MTFR1: variants seen among roughly 807,000 people sequenced by gnomAD.
MTFR1 encodes the protein mitochondrial fission regulator 1, also known as chondrocyte protein with a poly-proline region.
Under a neutral mutation model 38.8 loss-of-function variants are expected in MTFR1, and 28 were observed. That is an observed-to-expected ratio of 0.72 (90% CI 0.53 to 0.99). The LOEUF is 0.99. Among genes scored for constraint, MTFR1 ranks in the 50% least tolerant of loss-of-function variants. The pLI is 0.00. For synonymous variants in MTFR1, 145 were observed against 137.0 expected, an observed-to-expected ratio of 1.06 and a Z score of -0.41; for missense variants, 358 against 395.5, an observed-to-expected ratio of 0.91 and a Z score of 0.81.
rs1187049727 is a variant in MTFR1 at position 65,661,333 on chromosome 8, T to G, written c.-80-8540T>G. ...AGAAATCTGTACTTTCTACTCAATT[T>G]TGCTGTACATTTAAACTGCTCTAAA... On this transcript the variant is annotated intron_variant, in intron 1 of 7. Coordinates refer to ENST00000262146, the MANE Select transcript of MTFR1 (RefSeq NM_014637.4). 2.0e-5 allele frequency among the ~76,000 whole-genome samples: 3 copies of G among 152,348 alleles called. No homozygotes were observed. The East Asian group carries it at 5.8e-4, about 29-fold the overall frequency.
chr8:65,670,235 A>G (rs1329180488), intron 2 of MTFR1, among the ~76,000 whole-genome samples: 1 of 152,210 alleles, frequency 6.6e-6, no homozygotes, highest in Admixed American at 6.5e-5. Flanking sequence ...ACTTACCAGT[A>G]TTCATGTGAC....
At chr8:65,649,682 C>T (rs1342366838) in intron 1 of MTFR1, among the ~76,000 whole-genome samples, 4 of 151,960 alleles carry the variant, frequency 2.6e-5, no homozygotes, top group Non-Finnish European at 5.9e-5. Flanking sequence ...TTTTAATGTA[C>T]AATAAATTAT....
exon 4 of MTFR1, chr8:65,771,053 T>C: frequency 2.6e-6 from 1 of 378,424 alleles, no homozygotes; most frequent in Non-Finnish European, 5.2e-6. Flanking sequence ...ACAAAAACAA[T>C]CCAAACCACA....
chr8:65,745,854 T>C (rs1807648443), intron 3 of MTFR1, among the ~76,000 whole-genome samples: 1 of 152,172 alleles, frequency 6.6e-6, no homozygotes, highest in Non-Finnish European at 1.5e-5. Flanking sequence ...CACTACTGAG[T>C]ATTTACTGTA....
At chr8:65,659,294 C>T (rs769429382) in intron 1 of MTFR1, among the ~76,000 whole-genome samples, 12 of 152,028 alleles carry the variant, frequency 7.9e-5, no homozygotes, top group Non-Finnish European at 1.3e-4. Context: ...AATAAATTCT[C>T]GGTGCTACAA....
chr8:65,758,148 G>A (rs1808323023), intron 3 of MTFR1, among the ~76,000 whole-genome samples: 1 of 152,048 alleles, frequency 6.6e-6, no homozygotes, highest in Non-Finnish European at 1.5e-5. Flanking sequence ...TTCATAGAGG[G>A]TAGGGTTACA....
At chr8:65,676,246 A>G (rs969744621) in intron 2 of MTFR1, among the ~76,000 whole-genome samples, 1 of 152,256 alleles carries the variant, frequency 6.6e-6, no homozygotes, top group African/African-American at 2.4e-5. Flanking sequence ...GATTAACAGT[A>G]TGGATGCTCT....
intron 5 of MTFR1, among the ~76,000 whole-genome samples, chr8:65,705,825 A>G (rs1222693605): frequency 6.6e-6 from 1 of 152,272 alleles, no homozygotes; most frequent in Non-Finnish European, 1.5e-5. Context: ...TGCACAGAGT[A>G]GAACCTGAAT....
intron 3 of MTFR1, among the ~76,000 whole-genome samples, chr8:65,732,925 G>A (rs967547129): frequency 5.9e-5 from 9 of 151,880 alleles, no homozygotes; most frequent in African/African-American, 2.2e-4. Context: ...GACCAGGCTG[G>A]TCTCAAACTC....
chr8:65,657,527 A>AC (rs1361693626), intron 1 of MTFR1, among the ~76,000 whole-genome samples: 2 of 151,414 alleles, frequency 1.3e-5, no homozygotes, highest in African/African-American at 4.9e-5. Flanking sequence ...ATGTAGTGAG[A>AC]CCCCGTCTCT....
chr8:65,693,879 T>G, intron 4 of MTFR1, 120 bp downstream of exon 4: 1 of 728,528 alleles, frequency 1.4e-6, no homozygotes, highest in Non-Finnish European at 2.3e-6. Flanking sequence ...CCTCTTCTTT[T>G]TCTTGAACAG....
chr8:65,751,290 AT>A (rs369511298), intron 3 of MTFR1, among the ~76,000 whole-genome samples: 1 of 152,096 alleles, frequency 6.6e-6, no homozygotes, highest in South Asian at 2.1e-4. Context: ...GTCTGGTTTG[AT>A]TTTTTTCATT....
At chr8:65,745,294 A>G (rs1467337197) in intron 3 of MTFR1, 4 of 710,496 alleles carry the variant, frequency 5.6e-6, no homozygotes, top group Non-Finnish European at 1.0e-5. Context: ...ACTCTCTTCC[A>G]GCAGAGGGCT....
chr8:65,682,436 A>G lies in MTFR1; in HGVS notation c.150A>G (p.Pro50=). ...CTAATTTGTCTCTGATTCAGTGTCC[A>G]AGAGTTCAGTTTCAGGTATTATATT... ...IGTNLSLIQC[P]RVQFQINSHA... The change falls in exon 3 of 8, where the codon CCA becomes CCG. Residue 50 remains proline (P), a synonymous_variant. Transcript: ENST00000262146. 2.6e-6 allele frequency: 4 copies of G among 1,533,044 alleles called. No individual in the cohort carries two copies. Among genetic ancestry groups the G allele is most frequent in the East Asian group, 2.4e-5 (1 of 41,372 alleles). The allele number at this position is 1,533,044 out of a possible 1,614,324, so 95.0% of individuals were successfully genotyped here.
chr8:65,661,493 C>T (rs1008004824), intron 1 of MTFR1, among the ~76,000 whole-genome samples: 1 of 151,802 alleles, frequency 6.6e-6, no homozygotes, highest in African/African-American at 2.4e-5. Flanking sequence ...AAAAATTAGC[C>T]GGGTGCTGTG....
chr8:65,721,397 G>A (rs1400093945), intron 3 of MTFR1, among the ~76,000 whole-genome samples: 1 of 152,140 alleles, frequency 6.6e-6, no homozygotes, highest in East Asian at 1.9e-4. Context: ...TAAGAGGCTG[G>A]GATTTGATGT....
intron 6 of MTFR1, among the ~76,000 whole-genome samples, 187 bp downstream of exon 6, chr8:65,707,443 A>G (rs998302620): frequency 4.6e-5 from 7 of 152,216 alleles, no homozygotes; most frequent in African/African-American, 1.7e-4. Context: ...AACATTTCCC[A>G]GGTGATGTTT....
Position 65,755,459 on chromosome 8 carries a change from C to G in MTFR1, c.*49-15488C>G, listed in dbSNP as rs189009733. Among the ~76,000 whole-genome samples the G allele has an allele frequency of 3.3e-5, 5 of 152,276 alleles. No homozygotes were observed. In the East Asian group the frequency reaches 9.6e-4, roughly 29 times the overall value. On this transcript the variant is annotated intron_variant, in intron 3 of 3. Coordinates refer to the MTFR1 transcript ENST00000521247. ...TGGGGTTTACAATTAACACCTTAAACTTATAAAGACCTAGTTTGAATAATA... is the reference window on the plus strand; with the variant it reads ...TGGGGTTTACAATTAACACCTTAAAGTTATAAAGACCTAGTTTGAATAATA...
At chr8:65,682,327 G>A in intron 2 of MTFR1, 26 bp from the exon 3 acceptor site, 2 of 1,268,556 alleles carry the variant, frequency 1.6e-6, no homozygotes, top group Non-Finnish European at 2.2e-6. Context: ...TTGTAATTAA[G>A]CTTTCGGTTT....
Sources: allele counts gnomAD v4.1 joint callset (sites outside exome capture counted in the v4.1 genomes callset), GRCh38; gene constraint gnomAD v4.1.1; transcripts MANE v1.5; gene names NCBI Gene and HGNC (gene_info 2026-07-23, HGNC 2026-07-21).